GPATCH2: variants seen among roughly 807,000 people sequenced by gnomAD.
GPATCH2 encodes the protein G-patch domain containing 2, also known as G patch domain-containing protein 2.
In GPATCH2, 51 loss-of-function variants were observed where a neutral mutation model predicts 58.0. That is an observed-to-expected ratio of 0.88 (90% confidence interval 0.70 to 1.11). The LOEUF is 1.11. Among genes scored for constraint, GPATCH2 ranks in the 50% most tolerant of loss-of-function variants. The pLI, the probability that GPATCH2 is intolerant of heterozygous loss-of-function variation, is 0.00. For synonymous variants in GPATCH2, 222 were observed against 218.5 expected, an observed-to-expected ratio of 1.02 and a Z score of -0.14; for missense variants, 625 against 652.2, an observed-to-expected ratio of 0.96 and a Z score of 0.45.
In GPATCH2 at chr1:217,618,641, AC is replaced by A. The variant is rs748401454; in HGVS notation, c.773+1141del. Among the ~76,000 whole-genome samples the A allele has an allele frequency of 1.3e-3, 201 of 152,310 alleles. 1 individual carries two copies. The highest frequency in any genetic ancestry group is 0.01 in the South Asian group (49 of 4,828). On this transcript the variant is annotated intron_variant, in intron 2 of 9. Coordinates refer to ENST00000366935, the MANE Select transcript of GPATCH2 (RefSeq NM_018040.5). ...TTACAAGCAAAAAAACCCCAAAAAA[AC>A]AAAATAAAAAATAAAAACCAAATAA...
At chr1:217,551,612 A>G (rs774909180) in intron 5 of GPATCH2, among the ~76,000 whole-genome samples, 13 of 152,266 alleles carry the variant, frequency 8.5e-5, no homozygotes, top group Middle Eastern at 3.4e-3. Flanking sequence ...CACATTAGCA[A>G]TTTCAACCAT....
chr1:217,547,146 G>A (rs191806551), intron 5 of GPATCH2, among the ~76,000 whole-genome samples: 6 of 152,124 alleles, frequency 3.9e-5, no homozygotes, highest in East Asian at 1.9e-4. Flanking sequence ...GGCAGATCAC[G>A]AGGTCAGGAG....
chr1:217,505,233 G>A (rs1662492864), intron 6 of GPATCH2, among the ~76,000 whole-genome samples: 1 of 152,152 alleles, frequency 6.6e-6, no homozygotes, highest in South Asian at 2.1e-4. Context: ...GGAACTAAGC[G>A]TGGCATATTA....
chr1:217,459,127 C>T (rs1321760055), intron 8 of GPATCH2, among the ~76,000 whole-genome samples: 7 of 152,132 alleles, frequency 4.6e-5, no homozygotes, highest in Admixed American at 2.0e-4. Context: ...AATAACACTT[C>T]TTTCTTGAAC....
intron 5 of GPATCH2, among the ~76,000 whole-genome samples, chr1:217,567,533 A>G (rs1666309029): frequency 6.6e-6 from 1 of 152,238 alleles, no homozygotes; most frequent in Non-Finnish European, 1.5e-5. Flanking sequence ...GCTGGTTCTC[A>G]GTGCAAATTT....
chr1:217,609,263 C>T lies in GPATCH2; in HGVS notation c.1098+1058G>A, dbSNP rs143720745. 3.9e-4 allele frequency: 385 copies of T among 983,128 alleles called. 1 individual carries two copies. The African/African-American group carries it at 6.0e-3, about 15-fold the overall frequency. 60.9% of individuals were successfully genotyped at this position (983,128 alleles called of 1,614,324 possible). On this transcript the variant is annotated intron_variant, in intron 5 of 9. Coordinates refer to ENST00000366935, the MANE Select transcript of GPATCH2 (RefSeq NM_018040.5). Reference sequence around the variant, plus strand: ...AGTATTTCTGACACTCACAGTGACACATATGGTCTGCCATTCTAAAGATGT... The same window carrying T: ...AGTATTTCTGACACTCACAGTGACATATATGGTCTGCCATTCTAAAGATGT...
At chr1:217,530,657 AT>A (rs954119521) in intron 5 of GPATCH2, among the ~76,000 whole-genome samples, 3 of 152,058 alleles carry the variant, frequency 2.0e-5, no homozygotes, top group Non-Finnish European at 4.4e-5. Context: ...CAAATGAATA[AT>A]TTTTTTCTCG....
chr1:217,502,432 C>T (rs1358495342), intron 6 of GPATCH2, among the ~76,000 whole-genome samples: 2 of 151,918 alleles, frequency 1.3e-5, no homozygotes, highest in African/African-American at 4.8e-5. Flanking sequence ...TCATTTCTTT[C>T]ACTTTTTCTT....
rs927093516 is a variant in GPATCH2 at position 217,427,190 on chromosome 1, T to C, written c.*3955A>G. 3 of 152,164 alleles carry C rather than the reference T, an allele frequency of 2.0e-5. No individual in the cohort carries two copies. The highest frequency in any genetic ancestry group is 7.2e-5 in the African/African-American group (3 of 41,454). The allele number at this position is 152,164 out of a possible 1,614,324, so 9.4% of individuals were successfully genotyped here. On this transcript the variant is annotated 3_prime_UTR_variant, in exon 10 of 10. Coordinates refer to ENST00000366935, the MANE Select transcript of GPATCH2 (RefSeq NM_018040.5). ...TTTAAGTGGTCAGAGAGAGCGTGTG[T>C]ACCTTGTTACATTAGAATCACAGAA...
chr1:217,479,358 CA>C (rs1333580071), intron 8 of GPATCH2, among the ~76,000 whole-genome samples: 3 of 151,946 alleles, frequency 2.0e-5, no homozygotes, highest in African/African-American at 7.2e-5. Flanking sequence ...ACAGAAATAA[CA>C]GAAAGTTAAA....
At chr1:217,584,344 A>AATATATATATATATATATAT (rs71556690) in intron 5 of GPATCH2, among the ~76,000 whole-genome samples, 2 of 101,852 alleles carry the variant, frequency 2.0e-5, no homozygotes, top group Admixed American at 1.4e-4. Flanking sequence ...AAAAAAAAAA[A>AATATATATATATATATATAT]ATATATATAT....
intron 8 of GPATCH2, among the ~76,000 whole-genome samples, chr1:217,452,203 T>C (rs1176293711): frequency 3.3e-5 from 5 of 152,206 alleles, no homozygotes; most frequent in African/African-American, 9.7e-5. Flanking sequence ...AGGTTTGCCA[T>C]AGTTCAGACA....
chr1:217,498,093 A>AAT (rs1662099824), intron 7 of GPATCH2: 1 of 574,804 alleles, frequency 1.7e-6, no homozygotes. Flanking sequence ...GAGGTCCTAC[A>AAT]AATGAGTGAG....
At chr1:217,524,847 C>CGGGGAGA (rs1558457936) in intron 5 of GPATCH2, among the ~76,000 whole-genome samples, 1 of 18,836 alleles carries the variant, frequency 5.3e-5, no homozygotes, top group African/African-American at 1.4e-4. Flanking sequence ...AGAGGGAGAC[C>CGGGGAGA]GGGGAGAGGG....
At chr1:217,603,105 T>C (rs1341044510) in intron 5 of GPATCH2, among the ~76,000 whole-genome samples, 1 of 152,090 alleles carries the variant, frequency 6.6e-6, no homozygotes, top group Admixed American at 6.6e-5. Context: ...GTCTGGCACA[T>C]AGTAAGTAAG....
intron 5 of GPATCH2, among the ~76,000 whole-genome samples, chr1:217,588,980 A>G (rs1667468534): frequency 6.6e-6 from 1 of 152,176 alleles, no homozygotes; most frequent in Admixed American, 6.5e-5. Context: ...CTTTAAAAGG[A>G]CATTTTTTAG....
At position 217,471,711 on chromosome 1, in the gene GPATCH2, C is replaced by CTTT. The variant is rs574348062; in HGVS notation, c.1277+19966_1277+19968dup. ...GTTTCTCTGATTAAATCTATTGTCA[C>CTTT]TTTTTTTTTCATTTTAGAAGACTCC... is the stretch of plus-strand genomic sequence containing the variant. On this transcript the variant is annotated intron_variant, in intron 8 of 9. Coordinates refer to ENST00000366935, the MANE Select transcript of GPATCH2 (RefSeq NM_018040.5). 2.0e-3 allele frequency among the ~76,000 whole-genome samples: 303 copies of CTTT among 151,232 alleles called. 2 individuals are homozygous for CTTT. The highest frequency in any genetic ancestry group is 7.0e-3 in the African/African-American group (288 of 41,206).
In GPATCH2 at chr1:217,477,456, C is replaced by A. The variant is rs538882008; in HGVS notation, c.1277+14224G>T. 9.9e-5 allele frequency among the ~76,000 whole-genome samples: 15 copies of A among 152,226 alleles called. No individual in the cohort carries two copies. The South Asian group carries it at 2.5e-3, about 25-fold the overall frequency. The stretch of plus-strand genomic sequence containing the variant: ...ATTCCAGAACTTGGTTCCTGTATGG[C>A]ATTTTTGGACCTGTCCTGGGCCAGA... On this transcript the variant is annotated intron_variant, in intron 8 of 9. Transcript: ENST00000366935.
intron 5 of GPATCH2, among the ~76,000 whole-genome samples, chr1:217,559,745 A>C (rs1665826673): frequency 1.3e-5 from 2 of 152,164 alleles, no homozygotes; most frequent in Non-Finnish European, 2.9e-5. Flanking sequence ...GAAACCAGAG[A>C]TTGAGCTGGG....
Sources: gnomAD v4.1 joint callset for allele counts (sites outside exome capture counted in the v4.1 genomes callset) on GRCh38, gnomAD v4.1.1 for gene constraint, MANE v1.5 for transcripts, NCBI Gene and HGNC (gene_info 2026-07-23, HGNC 2026-07-21) for gene names.